Variants in SCCPDH observed in about 807,000 individuals in gnomAD.
SCCPDH encodes saccharopine dehydrogenase-like oxidoreductase.
SCCPDH carries 34 observed loss-of-function variants against 51.5 expected under a neutral mutation model. The ratio of observed to expected loss-of-function variants is 0.66; its 90% CI spans 0.50 to 0.88. The LOEUF (loss-of-function observed/expected upper bound fraction) is 0.88. Ranked by LOEUF, SCCPDH falls within the 40% of genes least tolerant of loss-of-function variation. The probability of loss-of-function intolerance (pLI) is 0.00; values close to 1 mark genes in which losing one functional copy is unlikely to be tolerated. For synonymous variants in SCCPDH, 187 were observed against 191.3 expected (o/e 0.98, Z 0.19); for missense variants, 464 against 527.1 (o/e 0.88, Z 1.17).
intron 9 of SCCPDH, among the ~76,000 whole-genome samples, chr1:246,762,644 C>T (rs533081780): frequency 1.3e-5 from 2 of 152,084 alleles, no homozygotes; most frequent in South Asian, 4.2e-4. Context: ...GAGTTCAAGA[C>T]CAGCCTGGCC....
chr1:246,751,001 G>C (rs1668844103), intron 5 of SCCPDH, among the ~76,000 whole-genome samples: 1 of 152,234 alleles, frequency 6.6e-6, no homozygotes, highest in African/African-American at 2.4e-5. Context: ...CCCCCAGTGG[G>C]TCCCTTGACG....
chr1:246,751,688 TGTC>T (rs1668852417), intron 5 of SCCPDH, among the ~76,000 whole-genome samples: 1 of 152,202 alleles, frequency 6.6e-6, no homozygotes, highest in Admixed American at 6.5e-5. Context: ...CTTTCTGACT[TGTC>T]GTAAATATCC....
intron 5 of SCCPDH, among the ~76,000 whole-genome samples, chr1:246,754,083 T>TC (rs1668894735): frequency 6.6e-6 from 1 of 152,032 alleles, no homozygotes; most frequent in Non-Finnish European, 1.5e-5. Context: ...GAGATGTGTC[T>TC]CCTATCCTTT....
intron 9 of SCCPDH, among the ~76,000 whole-genome samples, chr1:246,761,185 C>A (rs2102990669): frequency 6.6e-6 from 1 of 152,302 alleles, no homozygotes; most frequent in South Asian, 2.1e-4. Context: ...AGGCTAATCC[C>A]CCGCCTGTGC....
intron 1 of SCCPDH, 53 bp from the exon 2 acceptor site, chr1:246,726,839 A>G (rs1668406755): frequency 8.1e-7 from 1 of 1,239,552 alleles, no homozygotes; most frequent in Non-Finnish European, 1.2e-6. Flanking sequence ...GAAGATAAGG[A>G]AGATATAATC....
intron 2 of SCCPDH, among the ~76,000 whole-genome samples, chr1:246,732,191 G>A (rs1354555159): frequency 6.6e-6 from 1 of 152,178 alleles, no homozygotes; most frequent in Non-Finnish European, 1.5e-5. Context: ...ATAACAATTT[G>A]TTATGTATTT....
At position 246,728,874 on chromosome 1, in the gene SCCPDH, C is replaced by T. The variant is rs926232674; in HGVS notation, c.303+1870C>T. 5.3e-5 allele frequency among the ~76,000 whole-genome samples: 8 copies of T among 152,080 alleles called. No homozygotes were observed. The South Asian group carries it at 6.2e-4, about 12-fold the overall frequency. ...GCACAGTTTTCAAAGACTTTATTAT[C>T]GGGGGAACCAGCCCCCAGTATTTCA... On this transcript the variant is annotated intron_variant, in intron 2 of 11. Coordinates refer to ENST00000366510, the MANE Select transcript of SCCPDH (RefSeq NM_016002.3).
chr1:246,743,868 A>G (rs1668717403), intron 4 of SCCPDH, among the ~76,000 whole-genome samples: 1 of 152,018 alleles, frequency 6.6e-6, no homozygotes. Flanking sequence ...ATGCTAGACT[A>G]CTCTTTCTGA....
In SCCPDH at chr1:246,767,380, C is replaced by T. The variant is rs771594378; in HGVS notation, c.*80C>T. 7.8e-6 allele frequency: 6 copies of T among 772,390 alleles called. No homozygotes were observed. The highest frequency in any genetic ancestry group is 1.2e-5 in the Non-Finnish European group (6 of 508,532). 47.8% of individuals were successfully genotyped at this position (772,390 alleles called of 1,614,324 possible). ...TTGATATTTGAAATTCTTCTGTAAG[C>T]CTGTCTGAGTGTATGTGGAAACGAT... On this transcript the variant is annotated 3_prime_UTR_variant, in exon 12 of 12. Transcript: ENST00000366510.
At chr1:246,740,388 T>C in intron 4 of SCCPDH, 87 bp downstream of exon 4, 2 of 1,216,458 alleles carry the variant, frequency 1.6e-6, no homozygotes, top group Non-Finnish European at 2.3e-6. Context: ...TAAAATCTAG[T>C]TGAAAAAAGA....
intron 4 of SCCPDH, 48 bp from the exon 5 acceptor site, chr1:246,744,028 T>C: frequency 1.8e-6 from 2 of 1,124,118 alleles, no homozygotes; most frequent in Non-Finnish European, 2.7e-6. Flanking sequence ...CCCCAAATAA[T>C]TTAGATGTTA....
At chr1:246,746,068 G>A (rs149123637) in intron 5 of SCCPDH, among the ~76,000 whole-genome samples, 7,622 of 139,102 alleles carry the variant, frequency 0.055, 354 homozygotes, top group East Asian at 0.17. Context: ...AGATCGCACC[G>A]CTGCACTCCA....
At chr1:246,725,864 A>G (rs1668390416) in intron 1 of SCCPDH, among the ~76,000 whole-genome samples, 1 of 152,112 alleles carries the variant, frequency 6.6e-6, no homozygotes, top group African/African-American at 2.4e-5. Flanking sequence ...CACTTAGTTG[A>G]GCCAGTTAAT....
chr1:246,750,993 C>T (rs1461124259), intron 5 of SCCPDH, among the ~76,000 whole-genome samples: 1 of 152,228 alleles, frequency 6.6e-6, no homozygotes, highest in Non-Finnish European at 1.5e-5. Context: ...GCGTGGGGCC[C>T]CCAGTGGGTC....
Position 246,754,145 on chromosome 1 carries a change from A to G in SCCPDH, c.565-4081A>G, listed in dbSNP as rs1390247740. 2.0e-5 allele frequency among the ~76,000 whole-genome samples: 3 copies of G among 151,896 alleles called. No homozygotes were observed. The South Asian group carries it at 6.2e-4, about 32-fold the overall frequency. On this transcript the variant is annotated intron_variant, in intron 5 of 11. Transcript: ENST00000366510. ...ATTCACACACACTTTCAACCCCCGC[A>G]GAGTATCCCGACCACCGAGGAAACG...
rs185816977 is a variant in SCCPDH, at chr1:246,734,301, A to G, written c.304-1674A>G. ...ATAATCCACTGGGTGCAGAAAGCAT[A>G]TGGAGCTTCAACTTCTGTTTTAATC... On this transcript the variant is annotated intron_variant, in intron 2 of 11. Transcript: ENST00000366510. Among the ~76,000 whole-genome samples the G allele has an allele frequency of 1.6e-4, 24 of 152,348 alleles. 1 individual carries two copies. The highest frequency in any genetic ancestry group is 1.3e-3 in the Admixed American group (20 of 15,310).
chr1:246,735,068 C>A (rs1172557768), intron 2 of SCCPDH, among the ~76,000 whole-genome samples: 2 of 152,192 alleles, frequency 1.3e-5, no homozygotes, highest in Admixed American at 6.5e-5. Flanking sequence ...GAAATCCAGT[C>A]ATTTCCACCT....
chr1:246,752,927 T>C (rs992387866), intron 5 of SCCPDH, among the ~76,000 whole-genome samples: 2 of 152,178 alleles, frequency 1.3e-5, no homozygotes, highest in Admixed American at 1.3e-4. Flanking sequence ...TTCGAAACAT[T>C]TGTTTTGTCC....
intron 5 of SCCPDH, among the ~76,000 whole-genome samples, chr1:246,754,442 G>A (rs1668900118): frequency 1.3e-5 from 2 of 152,218 alleles, no homozygotes; most frequent in African/African-American, 4.8e-5. Context: ...TTTGTTAGAA[G>A]TAAATTTTCA....
Sources: allele counts gnomAD v4.1 joint callset (sites outside exome capture counted in the v4.1 genomes callset), GRCh38; gene constraint gnomAD v4.1.1; transcripts MANE v1.5; gene names NCBI Gene and HGNC (gene_info 2026-07-23, HGNC 2026-07-21).